SRPK2: variants seen among roughly 807,000 people sequenced by gnomAD.
SRPK2 encodes SRSF protein kinase 2.
In SRPK2, 21 loss-of-function variants were observed where a neutral mutation model predicts 90.8. The observed-to-expected ratio is 0.23, with a 90% CI of 0.16 to 0.33. SRPK2 has a LOEUF of 0.33. Ranked by LOEUF, SRPK2 falls within the 10% of genes least tolerant of loss-of-function variation. The pLI is 1.00. For missense variants in SRPK2, 620 were observed against 869.0 expected (o/e 0.71, Z 3.60); for synonymous variants, 288 against 311.1 (o/e 0.93, Z 0.78).
Position 105,116,601 on chromosome 7 carries a change from C to G in SRPK2, c.*1237G>C, listed in dbSNP as rs947082110. 3.3e-5 allele frequency: 5 copies of G among 152,558 alleles called. No individual in the cohort carries two copies. The highest frequency in any genetic ancestry group is 1.2e-4 in the African/African-American group (5 of 41,430). 9.5% of individuals were successfully genotyped at this position (152,558 alleles called of 1,614,324 possible). On this transcript the variant is annotated 3_prime_UTR_variant, in exon 16 of 16. Coordinates refer to ENST00000393651, the MANE Select transcript of SRPK2 (RefSeq NM_182692.3). ...CTTCTAAAAGAGGCTAAATATACCT[C>G]TATATATTACATTCTAAAATTGTAT...
At chr7:105,244,639 G>C in intron 2 of SRPK2, 1 of 777,056 alleles carries the variant, frequency 1.3e-6, no homozygotes, top group Non-Finnish European at 2.2e-6. Flanking sequence ...GCCGCCTTTG[G>C]AGAGCAGCAG....
chr7:105,249,136 G>A (rs1432584238), intron 2 of SRPK2, among the ~76,000 whole-genome samples: 1 of 152,130 alleles, frequency 6.6e-6, no homozygotes, highest in African/African-American at 2.4e-5. Flanking sequence ...TCACACATCT[G>A]CAGCCTGATG....
At position 105,116,994 on chromosome 7, in the gene SRPK2, C is replaced by T. The variant is rs1799691644; in HGVS notation, c.*844G>A. On this transcript the variant is annotated 3_prime_UTR_variant, in exon 16 of 16. Coordinates refer to ENST00000393651, the MANE Select transcript of SRPK2 (RefSeq NM_182692.3). The stretch of plus-strand genomic sequence containing the variant: ...CTTAACTTACAGCGCCCAGAGGAGG[C>T]AACATGACATGGTACTGAGCCATCA... The T allele has an allele frequency of 6.6e-6, 1 of 152,122 alleles. No individual in the cohort carries two copies. The highest frequency in any genetic ancestry group is 6.5e-5 in the Admixed American group (1 of 15,270). The allele number at this position is 152,122 out of a possible 1,614,324, so 9.4% of individuals were successfully genotyped here. A position where few individuals can be genotyped will look rare whatever the true frequency, so the allele number is the denominator to read the frequency against.
chr7:105,244,291 C>T (rs775139252), intron 2 of SRPK2, among the ~76,000 whole-genome samples: 2 of 152,154 alleles, frequency 1.3e-5, no homozygotes, highest in Admixed American at 1.3e-4. Flanking sequence ...AATACAGGGC[C>T]GGGCGCGGTG....
At chr7:105,256,546 G>A (rs549159363) in intron 2 of SRPK2, among the ~76,000 whole-genome samples, 20 of 152,124 alleles carry the variant, frequency 1.3e-4, no homozygotes, top group South Asian at 6.2e-4. Flanking sequence ...TTGTAGAGAC[G>A]GGGGTCTTGG....
At chr7:105,331,062 G>C (rs1222443977) in intron 2 of SRPK2, among the ~76,000 whole-genome samples, 1 of 152,052 alleles carries the variant, frequency 6.6e-6, no homozygotes, top group East Asian at 1.9e-4. Context: ...AGCACTTTGG[G>C]AGGCCGAGGT....
In SRPK2 at chr7:105,205,617, C is replaced by A. The variant is rs565434221; in HGVS notation, c.72-1832G>T. Among the ~76,000 whole-genome samples the A allele has an allele frequency of 2.3e-4, 34 of 147,830 alleles. No homozygotes were observed. In the South Asian group the frequency reaches 7.4e-3, roughly 32 times the overall value. ...ACTTCCAACAGGCCTTACAGAAGTACAAGAATCTTTCTGGAAGCCATGTAA... is the reference window on the plus strand; with the variant it reads ...ACTTCCAACAGGCCTTACAGAAGTAAAAGAATCTTTCTGGAAGCCATGTAA... On this transcript the variant is annotated intron_variant, in intron 2 of 15. Coordinates refer to ENST00000393651, the MANE Select transcript of SRPK2 (RefSeq NM_182692.3).
chr7:105,388,546 C>G, intron 2 of SRPK2, 102 bp downstream of exon 2: 1 of 1,087,006 alleles, frequency 9.2e-7, no homozygotes, highest in South Asian at 1.9e-5. Flanking sequence ...GGGACCAGCC[C>G]GCCCGCCGGC....
At chr7:105,265,490 A>T (rs1804933891) in intron 2 of SRPK2, among the ~76,000 whole-genome samples, 1 of 152,124 alleles carries the variant, frequency 6.6e-6, no homozygotes, top group East Asian at 1.9e-4. Flanking sequence ...ACACCAAGGG[A>T]CAACTGTACT....
At chr7:105,195,439 G>C (rs1384471170) in intron 3 of SRPK2, among the ~76,000 whole-genome samples, 1 of 152,164 alleles carries the variant, frequency 6.6e-6, no homozygotes. Context: ...GGGGATTTTT[G>C]GTAATATTTT....
intron 2 of SRPK2, among the ~76,000 whole-genome samples, chr7:105,336,352 T>C (rs1464619831): frequency 1.3e-5 from 2 of 152,206 alleles, no homozygotes; most frequent in Admixed American, 1.3e-4. Flanking sequence ...AAATTTTTCT[T>C]TAGTGTGTTG....
At chr7:105,164,615 T>C (rs978635582) in intron 6 of SRPK2, among the ~76,000 whole-genome samples, 2 of 152,330 alleles carry the variant, frequency 1.3e-5, no homozygotes, top group Admixed American at 1.3e-4. Flanking sequence ...ATGAAACTTA[T>C]GTGAGAAATA....
At chr7:105,127,725 A>AACATTTGTTCC (rs1554409411) in intron 13 of SRPK2, among the ~76,000 whole-genome samples, 3 of 151,826 alleles carry the variant, frequency 2.0e-5, no homozygotes, top group African/African-American at 7.3e-5. Flanking sequence ...TGTAGGGAAC[A>AACATTTGTTCC]CATTTCCCTT....
At chr7:105,380,947 TAAAAAAAAAAAAA>T (rs869039181) in intron 2 of SRPK2, among the ~76,000 whole-genome samples, 1 of 104,144 alleles carries the variant, frequency 9.6e-6, no homozygotes, top group Non-Finnish European at 1.9e-5. Context: ...TTTATTACTT[TAAAAAAAAAAAAA>T]AAAAAAAAAA....
At chr7:105,132,315 G>A (rs544518151) in intron 13 of SRPK2, among the ~76,000 whole-genome samples, 19 of 152,224 alleles carry the variant, frequency 1.2e-4, no homozygotes, top group Non-Finnish European at 2.2e-4. Flanking sequence ...CTTCCAGTCT[G>A]GAAAGGTGAG....
At chr7:105,312,158 T>G (rs1400035164) in intron 2 of SRPK2, among the ~76,000 whole-genome samples, 20 of 152,174 alleles carry the variant, frequency 1.3e-4, no homozygotes, top group Admixed American at 1.2e-3. Flanking sequence ...TAGATGAAAC[T>G]TGGCTGGGTG....
chr7:105,301,152 T>C (rs79209789), intron 2 of SRPK2, among the ~76,000 whole-genome samples: 1,638 of 152,108 alleles, frequency 0.011, 22 homozygotes, highest in African/African-American at 0.038. Context: ...ATTAAGAAAA[T>C]GTGCCACTTG....
At chr7:105,139,867 G>GTTT (rs1803445558) in intron 11 of SRPK2, among the ~76,000 whole-genome samples, 1 of 151,870 alleles carries the variant, frequency 6.6e-6, no homozygotes, top group African/African-American at 2.4e-5. Flanking sequence ...CAGTTATTAA[G>GTTT]TTTTGAGCTG....
At chr7:105,393,502 CT>C (rs1028224178), upstream of SRPK2, among the ~76,000 whole-genome samples, 1 of 124,516 alleles carries the variant, frequency 8.0e-6, no homozygotes, top group African/African-American at 3.0e-5. Context: ...GCTCCTCTGC[CT>C]TTTTTCTTTC....
Sources: allele counts gnomAD v4.1 joint callset (sites outside exome capture counted in the v4.1 genomes callset), GRCh38; gene constraint gnomAD v4.1.1; transcripts MANE v1.5; gene names NCBI Gene and HGNC (gene_info 2026-07-23, HGNC 2026-07-21).